Variants in CXCL13 observed in about 807,000 individuals in gnomAD.
CXCL13 encodes C-X-C motif chemokine 13.
A neutral mutation model predicts 12.2 loss-of-function variants in CXCL13; 7 were observed. That is an observed-to-expected ratio of 0.57 (90% CI 0.33 to 1.07). The LOEUF is 1.07. Among genes scored for constraint, CXCL13 ranks in the 50% least tolerant of loss-of-function variants. CXCL13 has a pLI of 0.04. For missense variants in CXCL13, 113 were observed against 127.4 expected (o/e 0.89, Z 0.55); for synonymous variants, 47 against 42.4 (o/e 1.11, Z -0.42).
rs912496722 is a variant in CXCL13, at chr4:77,611,443, A to G, written c.*404A>G. The G allele has an allele frequency of 2.6e-6, 1 of 386,732 alleles. No homozygotes were observed. 24.0% of individuals were successfully genotyped at this position (386,732 alleles called of 1,614,324 possible). A position where few individuals can be genotyped will look rare whatever the true frequency, so the allele number is the denominator to read the frequency against. The stretch of plus-strand genomic sequence containing the variant: ...TGGCATATATTAAAAGCAGGCTTCT[A>G]TGAAAGACTCAAAAAGCTGCCTGGG... On this transcript the variant is annotated 3_prime_UTR_variant, in exon 4 of 4. Coordinates refer to ENST00000682537, the MANE Select transcript of CXCL13 (RefSeq NM_001371558.1).
Position 77,540,445 on chromosome 4 carries a change from T to C in CXCL13, c.-43+28657T>C, listed in dbSNP as rs185604629. ...TCCTCCTTCCTCTAGTACTCCCCAA[T>C]GTCTGTTGTTTCCATCTTTACGTCC... On this transcript the variant is annotated intron_variant, in intron 1 of 4. Transcript: ENST00000286758. 2.5e-3 allele frequency among the ~76,000 whole-genome samples: 380 copies of C among 152,246 alleles called. 3 individuals carry two copies. Among genetic ancestry groups the C allele is most frequent in the African/African-American group, 8.5e-3 (352 of 41,542 alleles).
At chr4:77,513,116 T>C in intron 1 of CXCL13, among the ~76,000 whole-genome samples, 1 of 152,120 alleles carries the variant, frequency 6.6e-6, no homozygotes, top group East Asian at 1.9e-4. Context: ...ACTCATCCTT[T>C]TTTATGGCTA....
At chr4:77,556,127 C>T (rs1464643774) in intron 1 of CXCL13, among the ~76,000 whole-genome samples, 3 of 152,194 alleles carry the variant, frequency 2.0e-5, no homozygotes, top group Non-Finnish European at 4.4e-5. Context: ...TAAAAACATA[C>T]ATCCATTCAG....
intron 1 of CXCL13, among the ~76,000 whole-genome samples, chr4:77,523,457 A>G (rs548220378): frequency 1.3e-5 from 2 of 152,106 alleles, no homozygotes; most frequent in East Asian, 3.9e-4. Context: ...TATTTCATTA[A>G]TTTGATCTTC....
At chr4:77,550,826 G>A (rs1474550584) in intron 1 of CXCL13, among the ~76,000 whole-genome samples, 1 of 152,194 alleles carries the variant, frequency 6.6e-6, no homozygotes, top group East Asian at 1.9e-4. Flanking sequence ...ATTTAGGATA[G>A]TTAAGTCTTG....
intron 1 of CXCL13, among the ~76,000 whole-genome samples, chr4:77,528,836 G>C (rs1358624924): frequency 6.6e-6 from 1 of 152,180 alleles, no homozygotes; most frequent in Non-Finnish European, 1.5e-5. Context: ...TGGTGTTTTA[G>C]ACATGAAGTC....
intron 1 of CXCL13, among the ~76,000 whole-genome samples, chr4:77,558,735 G>A (rs780463005): frequency 1.1e-4 from 16 of 152,162 alleles, no homozygotes; most frequent in Non-Finnish European, 1.9e-4. Context: ...CCCATACCAC[G>A]TGTCAGGGTC....
chr4:77,564,287 G>C (rs1171738396), intron 1 of CXCL13, among the ~76,000 whole-genome samples: 1 of 152,182 alleles, frequency 6.6e-6, no homozygotes, highest in Non-Finnish European at 1.5e-5. Flanking sequence ...CAGAGAGAGT[G>C]GGAGGAAAGC....
intron 1 of CXCL13, among the ~76,000 whole-genome samples, chr4:77,544,455 G>GT (rs1725300660): frequency 6.6e-6 from 1 of 152,108 alleles, no homozygotes; most frequent in Non-Finnish European, 1.5e-5. Flanking sequence ...GGTGTGAGAT[G>GT]GTATCTCATT....
At chr4:77,536,301 AT>A (rs1725057500) in intron 1 of CXCL13, among the ~76,000 whole-genome samples, 1 of 152,306 alleles carries the variant, frequency 6.6e-6, no homozygotes, top group African/African-American at 2.4e-5. Flanking sequence ...ATAAATACCA[AT>A]CATTTAATCA....
At chr4:77,513,736 G>C (rs1186023639) in intron 1 of CXCL13, among the ~76,000 whole-genome samples, 1 of 151,548 alleles carries the variant, frequency 6.6e-6, no homozygotes, top group Non-Finnish European at 1.5e-5. Context: ...ACAGGCATGA[G>C]CCACCACACC....
chr4:77,610,871 T>A, intron 3 of CXCL13, 117 bp from the exon 4 acceptor site: 1 of 986,930 alleles, frequency 1.0e-6, no homozygotes, highest in Non-Finnish European at 1.6e-6. Context: ...AGCAGCTCAG[T>A]AAACCAAACT....
intron 1 of CXCL13, among the ~76,000 whole-genome samples, chr4:77,542,928 G>A (rs1202393201): frequency 1.3e-5 from 2 of 152,128 alleles, no homozygotes; most frequent in African/African-American, 4.8e-5. Context: ...AATAGTTTCA[G>A]TGGGATTGGT....
At chr4:77,570,710 C>T (rs1726051536) in intron 1 of CXCL13, among the ~76,000 whole-genome samples, 1 of 152,190 alleles carries the variant, frequency 6.6e-6, no homozygotes, top group South Asian at 2.1e-4. Context: ...CGCTTGTGGG[C>T]CAGCTGGAGT....
intron 1 of CXCL13, among the ~76,000 whole-genome samples, chr4:77,597,741 G>T (rs1199447087): frequency 6.6e-6 from 1 of 152,090 alleles, no homozygotes; most frequent in Non-Finnish European, 1.5e-5. Flanking sequence ...TGGCTCTTGG[G>T]TGGGCAACAG....
intron 1 of CXCL13, among the ~76,000 whole-genome samples, chr4:77,517,763 T>C (rs1342296182): frequency 6.6e-6 from 1 of 152,214 alleles, no homozygotes; most frequent in East Asian, 1.9e-4. Flanking sequence ...CTTTATCCAA[T>C]TTGCCAGTCT....
intron 1 of CXCL13, among the ~76,000 whole-genome samples, chr4:77,513,460 T>C (rs1326045166): frequency 6.6e-6 from 1 of 152,084 alleles, no homozygotes; most frequent in Non-Finnish European, 1.5e-5. Flanking sequence ...CCTGACTTTT[T>C]TTTTTTTTTG....
intron 1 of CXCL13, among the ~76,000 whole-genome samples, chr4:77,536,259 A>G (rs1050017416): frequency 2.0e-5 from 3 of 152,196 alleles, no homozygotes; most frequent in African/African-American, 7.2e-5. Flanking sequence ...GAAAGTTGAA[A>G]TGCCTAAATT....
chr4:77,537,176 A>G (rs1725079214), intron 1 of CXCL13, among the ~76,000 whole-genome samples: 1 of 152,204 alleles, frequency 6.6e-6, no homozygotes, highest in Non-Finnish European at 1.5e-5. Flanking sequence ...ACTGCAAGGG[A>G]TAGTTTATTA....
Sources: gnomAD v4.1 joint callset for allele counts (sites outside exome capture counted in the v4.1 genomes callset) on GRCh38, gnomAD v4.1.1 for gene constraint, MANE v1.5 for transcripts, NCBI Gene and HGNC (gene_info 2026-07-23, HGNC 2026-07-21) for gene names.